The following SDHAF2 variants were observed in gnomAD, a reference collection of about 807,000 sequenced individuals.
SDHAF2 encodes the protein succinate dehydrogenase complex assembly factor 2.
In SDHAF2, 21 loss-of-function variants were observed where a neutral mutation model predicts 18.5. The ratio of observed to expected loss-of-function variants is 1.13; its 90% confidence interval spans 0.80 to 1.63. SDHAF2 has a LOEUF of 1.63. Ranked by LOEUF, SDHAF2 falls within the 40% of genes most tolerant of loss-of-function variation. The pLI, the probability that SDHAF2 is intolerant of heterozygous loss-of-function variation, is 0.00. For synonymous variants in SDHAF2, 84 were observed against 70.7 expected (o/e 1.19, Z -0.94); for missense variants, 195 against 200.3 (o/e 0.97, Z 0.16).
At chr11:61,445,519 A>G (rs1471975540) in intron 3 of SDHAF2, among the ~76,000 whole-genome samples, 1 of 152,238 alleles carries the variant, frequency 6.6e-6, no homozygotes, top group Non-Finnish European at 1.5e-5. Context: ...TATACATTGC[A>G]AGGGAAAACA....
rs757151603 is a variant in SDHAF2 at position 61,446,029 on chromosome 11, G to A, written c.459G>A (p.Leu153=). Residue 153 remains leucine, a synonymous_variant, in exon 4 of 4, where the codon CTG becomes CTA. Transcript: ENST00000301761. ...AAAACAAAAACAAAGAGCAGAGACTGCGTGCCCCAGATCTTGAGTACCTCT... is the reference window on the plus strand; with the variant it reads ...AAAACAAAAACAAAGAGCAGAGACTACGTGCCCCAGATCTTGAGTACCTCT... ...FAKNKNKEQR[L]RAPDLEYLFE... is the part of the protein sequence containing the mutation. The A allele has an allele frequency of 6.2e-7, 1 of 1,614,210 alleles. No homozygotes were observed. The highest frequency in any genetic ancestry group is 1.7e-5 in the Admixed American group (1 of 60,020).
Position 61,438,076 on chromosome 11 carries a change from G to C in SDHAF2, c.333G>C (p.Glu111Asp). ...QLNLYDRLIN[E>D]PSNDWDIYYW... is the part of the protein sequence containing the mutation. Reference sequence around the variant, plus strand: ...ACCTCTATGACCGCCTGATTAACGAGCCTAGTAATGACTGGGATATTTACT... The same window carrying C: ...ACCTCTATGACCGCCTGATTAACGACCCTAGTAATGACTGGGATATTTACT... The change falls in exon 3 of 4, where the codon GAG becomes GAC. Residue 111 changes from glutamate to aspartate, a missense_variant. By Grantham distance (45) the Glu-to-Asp change is conservative. Transcript: ENST00000301761. The C allele has an allele frequency of 6.2e-7, 1 of 1,614,040 alleles. No homozygotes were observed. Among genetic ancestry groups the C allele is most frequent in the Non-Finnish European group, 8.5e-7 (1 of 1,179,968 alleles).
At position 61,437,774 on chromosome 11, in the gene SDHAF2, C is replaced by T; in HGVS notation, c.186C>T (p.Ser62=). The T allele has an allele frequency of 6.2e-7, 1 of 1,614,042 alleles. No homozygotes were observed. The highest frequency in any genetic ancestry group is 8.5e-7 in the Non-Finnish European group (1 of 1,180,026). ...CATGGCAGGAGAGAACTGATGAATC[C>T]ATAGAAACCAAAAGAGCCCGCCTGC... ...LPPWQERTDE[S]IETKRARLLY... is the part of the protein sequence containing the mutation. Residue 62 remains serine, a synonymous_variant, in exon 2 of 4, where the codon TCC becomes TCT. Coordinates refer to ENST00000301761, the MANE Select transcript of SDHAF2 (RefSeq NM_017841.4).
At position 61,446,401 on chromosome 11, in the gene SDHAF2, G is replaced by A. The variant is rs557256888; in HGVS notation, c.*330G>A. ...GCAGTTGTGCTTGCTCATTGCCTCA[G>A]CCCAAGTGTACTCAAAGAAAAGAGG... is the stretch of plus-strand genomic sequence containing the variant. On this transcript the variant is annotated 3_prime_UTR_variant, in exon 4 of 4. Coordinates refer to ENST00000301761, the MANE Select transcript of SDHAF2 (RefSeq NM_017841.4). The A allele has an allele frequency of 1.7e-6, 1 of 587,130 alleles. No individual in the cohort carries two copies. Among genetic ancestry groups the A allele is most frequent in the Non-Finnish European group, 3.0e-6 (1 of 331,026 alleles). The allele number at this position is 587,130 out of a possible 1,614,324, so 36.4% of individuals were successfully genotyped here. A position where few individuals can be genotyped will look rare whatever the true frequency, so the allele number is the denominator to read the frequency against.
intron 1 of SDHAF2, chr11:61,432,062 A>C (rs1308554915): frequency 6.6e-6 from 1 of 152,212 alleles, no homozygotes; most frequent in Non-Finnish European, 1.5e-5. Context: ...CTGGAGTTCG[A>C]GACCAGCCTG....
chr11:61,438,201 TTTC>T lies in SDHAF2; in HGVS notation c.370+91_370+93del, dbSNP rs768026638. On this transcript the variant is annotated intron_variant, in intron 3 of 3. Coordinates refer to ENST00000301761, the MANE Select transcript of SDHAF2 (RefSeq NM_017841.4). The stretch of plus-strand genomic sequence containing the variant: ...AATTGTATCCTAGATAATTTTTTTC[TTTC>T]TTTTTTTTTTTTGAGACTGAGTTTC... The T allele has an allele frequency of 1.7e-5, 16 of 963,000 alleles. No individual in the cohort carries two copies. In the East Asian group the frequency reaches 3.6e-4, roughly 22 times the overall value. 59.7% of individuals were successfully genotyped at this position (963,000 alleles called of 1,614,324 possible). A position where few individuals can be genotyped will look rare whatever the true frequency, so the allele number is the denominator to read the frequency against.
chr11:61,440,089 T>C (rs1197429460), intron 3 of SDHAF2, among the ~76,000 whole-genome samples: 1 of 152,142 alleles, frequency 6.6e-6, no homozygotes, highest in East Asian at 1.9e-4. Context: ...CCGAGGCAGG[T>C]GGATCACTTG....
intron 1 of SDHAF2, chr11:61,434,533 A>T: frequency 6.8e-6 from 1 of 147,412 alleles, no homozygotes; most frequent in African/African-American, 2.6e-5. Flanking sequence ...GACTCTCATA[A>T]TGTGTATATT....
Position 61,446,042 on chromosome 11 carries a change from CTT to C in SDHAF2, c.473_474del (p.Leu158ArgfsTer5). 1 of 1,614,212 alleles carries C rather than the reference CTT, an allele frequency of 6.2e-7. No individual in the cohort carries two copies. Among genetic ancestry groups the C allele is most frequent in the Non-Finnish European group, 8.5e-7 (1 of 1,180,038 alleles). On this transcript the variant is annotated frameshift_variant, in exon 4 of 4. Coordinates refer to ENST00000301761, the MANE Select transcript of SDHAF2 (RefSeq NM_017841.4). LOFTEE classifies it high-confidence loss of function. Reference protein sequence around the residue: ...NKEQRLRAPDLEYLFEKPR With the variant: ...NKEQRLRAPDXEYLFEKPR ...AGAGCAGAGACTGCGTGCCCCAGATCTTGAGTACCTCTTTGAAAAGCCACGTT... is the reference window on the plus strand; with the variant it reads ...AGAGCAGAGACTGCGTGCCCCAGATCGAGTACCTCTTTGAAAAGCCACGTT...
intron 3 of SDHAF2, among the ~76,000 whole-genome samples, chr11:61,439,674 A>G (rs1268527690): frequency 6.6e-6 from 1 of 152,260 alleles, no homozygotes; most frequent in African/African-American, 2.4e-5. Flanking sequence ...CTGGAAAGCC[A>G]ACAAAGTCCA....
intron 3 of SDHAF2, among the ~76,000 whole-genome samples, chr11:61,444,736 C>T (rs892716459): frequency 1.3e-5 from 2 of 152,030 alleles, no homozygotes; most frequent in Non-Finnish European, 2.9e-5. Flanking sequence ...GAGTGAGACT[C>T]GTCTCAAACA....
At chr11:61,436,549 A>G (rs1314057295) in intron 1 of SDHAF2, among the ~76,000 whole-genome samples, 1 of 152,186 alleles carries the variant, frequency 6.6e-6, no homozygotes, top group African/African-American at 2.4e-5. Flanking sequence ...TGATCCCCCC[A>G]AAAGTCCGAA....
At chr11:61,439,195 A>G (rs1450875350) in intron 3 of SDHAF2, among the ~76,000 whole-genome samples, 1 of 152,240 alleles carries the variant, frequency 6.6e-6, no homozygotes, top group South Asian at 2.1e-4. Context: ...ACAGAAGTCC[A>G]GAGGAAGGCA....
intron 1 of SDHAF2, chr11:61,434,592 T>G (rs1277395859): frequency 8.4e-6 from 1 of 119,632 alleles, no homozygotes; most frequent in South Asian, 2.6e-4. Flanking sequence ...TTCTCATTCC[T>G]TTTTTTTTTT....
chr11:61,437,137 G>A (rs183437409), intron 1 of SDHAF2, among the ~76,000 whole-genome samples: 1 of 152,176 alleles, frequency 6.6e-6, no homozygotes, highest in Non-Finnish European at 1.5e-5. Context: ...GTGAGTTATT[G>A]AACCTTCCTG....
chr11:61,430,180 C>A lies in SDHAF2; in HGVS notation c.34C>A (p.Leu12Met). The A allele has an allele frequency of 6.2e-7, 1 of 1,614,208 alleles. No homozygotes were observed. The highest frequency in any genetic ancestry group is 8.5e-7 in the Non-Finnish European group (1 of 1,180,030). Residue 12 changes from leucine to methionine, a missense_variant and splice_region_variant, in exon 1 of 4, where the codon CTG becomes ATG. By Grantham distance (15) the Leu-to-Met change is conservative. Transcript: ENST00000301761. ...GTCTACAGTGTTCTCGACTTCGTCG[C>A]TGGTGAGGAGAGAGAACGTTCTAGC... ...AVSTVFSTSS[L>M]MLALSRHSLL...
chr11:61,434,679 G>A (rs1373958938), intron 1 of SDHAF2: 2 of 145,774 alleles, frequency 1.4e-5, no homozygotes, highest in African/African-American at 5.2e-5. Flanking sequence ...TGCTTGATCA[G>A]GTCTACTATT....
chr11:61,442,439 G>A (rs12285794), intron 3 of SDHAF2, among the ~76,000 whole-genome samples: 1 of 152,004 alleles, frequency 6.6e-6, no homozygotes, highest in Non-Finnish European at 1.5e-5. Flanking sequence ...GAGGTCTGCT[G>A]TATCTTTGTT....
chr11:61,445,759 T>C (rs573159077), intron 3 of SDHAF2, among the ~76,000 whole-genome samples, 182 bp from the exon 4 acceptor site: 9 of 152,252 alleles, frequency 5.9e-5, no homozygotes, highest in African/African-American at 2.2e-4. Context: ...GACTTGCAAA[T>C]ATAGGCTCAC....
Sources: gnomAD v4.1 joint callset for allele counts (sites outside exome capture counted in the v4.1 genomes callset) on GRCh38, gnomAD v4.1.1 for gene constraint, MANE v1.5 for transcripts, NCBI Gene and HGNC (gene_info 2026-07-23, HGNC 2026-07-21) for gene names.